Variants in GRAMD1C observed in about 807,000 individuals in gnomAD.
The protein encoded by GRAMD1C is protein Aster-C.
In GRAMD1C, 89 loss-of-function variants were observed where a neutral mutation model predicts 97.8. The observed-to-expected ratio is 0.91, with a 90% CI of 0.77 to 1.09. GRAMD1C has a LOEUF of 1.09. Among genes scored for constraint, GRAMD1C ranks in the 50% least tolerant of loss-of-function variants. The probability of loss-of-function intolerance (pLI) is 0.00; values close to 1 mark genes in which losing one functional copy is unlikely to be tolerated. For synonymous variants in GRAMD1C, 256 were observed against 267.0 expected (o/e 0.96, Z 0.40); for missense variants, 740 against 766.4 (o/e 0.97, Z 0.41).
At chr3:113,894,656 T>C (rs1310807407) in intron 6 of GRAMD1C, among the ~76,000 whole-genome samples, 1 of 152,180 alleles carries the variant, frequency 6.6e-6, no homozygotes, top group East Asian at 1.9e-4. Context: ...CTAGCTCTCC[T>C]TGGAAATTTA....
At chr3:113,883,400 C>T (rs1190319693) in intron 6 of GRAMD1C, among the ~76,000 whole-genome samples, 4 of 151,928 alleles carry the variant, frequency 2.6e-5, no homozygotes, top group Non-Finnish European at 5.9e-5. Context: ...TGACGCTTAC[C>T]TGTAGTCCCA....
chr3:113,869,238 T>G (rs1934699705), intron 2 of GRAMD1C, among the ~76,000 whole-genome samples: 2 of 152,126 alleles, frequency 1.3e-5, no homozygotes, highest in Admixed American at 1.3e-4. Flanking sequence ...TTGTATGCCT[T>G]TGGTCATTTT....
intron 2 of GRAMD1C, among the ~76,000 whole-genome samples, chr3:113,846,358 G>A (rs1481720309): frequency 6.6e-6 from 1 of 151,962 alleles, no homozygotes; most frequent in East Asian, 1.9e-4. Flanking sequence ...CGCCCGCCTC[G>A]GCCTCCCAAA....
At chr3:113,913,422 C>CT (rs1286034535) in intron 9 of GRAMD1C, among the ~76,000 whole-genome samples, 1 of 104,204 alleles carries the variant, frequency 9.6e-6, no homozygotes, top group Non-Finnish European at 1.8e-5. Context: ...GAGTGAGACT[C>CT]TGTCTCCAAA....
rs184475811 is a variant in GRAMD1C, at chr3:113,938,159, G to A, written c.1691+16G>A. The A allele has an allele frequency of 2.1e-4, 266 of 1,282,294 alleles. No homozygotes were observed. In the African/African-American group the frequency reaches 2.8e-3, roughly 14 times the overall value. The allele number at this position is 1,282,294 out of a possible 1,614,324, so 79.4% of individuals were successfully genotyped here. A position where few individuals can be genotyped will look rare whatever the true frequency, so the allele number is the denominator to read the frequency against. On this transcript the variant is annotated intron_variant, in intron 15 of 17. Coordinates refer to ENST00000358160, the MANE Select transcript of GRAMD1C (RefSeq NM_017577.5). Reference sequence around the variant, plus strand: ...TGAGTATTTTGTAAGTATTTGTTGTGAATGCTTATTTTGCTTGTTTCAGCA... The same window carrying A: ...TGAGTATTTTGTAAGTATTTGTTGTAAATGCTTATTTTGCTTGTTTCAGCA...
chr3:113,936,749 C>T (rs1268552899), intron 14 of GRAMD1C: 3 of 179,170 alleles, frequency 1.7e-5, no homozygotes, highest in Non-Finnish European at 3.5e-5. Flanking sequence ...GTTGCCCATG[C>T]TGTAAGTGGC....
At chr3:113,836,985 G>T (rs1709640768), upstream of GRAMD1C, among the ~76,000 whole-genome samples, 1 of 152,046 alleles carries the variant, frequency 6.6e-6, no homozygotes, top group Non-Finnish European at 1.5e-5. Context: ...ATCCATAAAT[G>T]TATACATAAA....
chr3:113,898,567 A>G (rs1936024646), intron 6 of GRAMD1C, among the ~76,000 whole-genome samples: 1 of 152,122 alleles, frequency 6.6e-6, no homozygotes, highest in Non-Finnish European at 1.5e-5. Context: ...TTTCTCTACC[A>G]CTAATGGTCC....
At chr3:113,930,939 G>GAAAA in intron 11 of GRAMD1C, 107 bp downstream of exon 11, 2 of 615,492 alleles carry the variant, frequency 3.2e-6, no homozygotes, top group African/African-American at 1.8e-5. Flanking sequence ...CAAGTGGCAA[G>GAAAA]AAAAAAGGGA....
At position 113,946,969 on chromosome 3, in the gene GRAMD1C, TTC is replaced by T. The variant is rs1938122346; in HGVS notation, c.*1495_*1496del. 6.6e-6 allele frequency: 1 copy of T among 152,204 alleles called. No homozygotes were observed. Among genetic ancestry groups the T allele is most frequent in the Non-Finnish European group, 1.5e-5 (1 of 68,036 alleles). 9.4% of individuals were successfully genotyped at this position (152,204 alleles called of 1,614,324 possible). On this transcript the variant is annotated 3_prime_UTR_variant, in exon 18 of 18. Transcript: ENST00000358160. ...ATGAGTGGATTATAAACTTGAAGAT[TTC>T]TCTGTTAAAGTCACAAAAATGATCG...
At chr3:113,890,481 T>A in intron 6 of GRAMD1C, 1 of 475,702 alleles carries the variant, frequency 2.1e-6, no homozygotes, top group East Asian at 3.3e-5. Flanking sequence ...CCTCCCAGGT[T>A]GCACTTTGGC....
chr3:113,840,904 T>C (rs981331482), intron 1 of GRAMD1C, among the ~76,000 whole-genome samples: 2 of 152,096 alleles, frequency 1.3e-5, no homozygotes, highest in Non-Finnish European at 1.5e-5. Flanking sequence ...CTGGAGAAAA[T>C]TTGATGCAGT....
At chr3:113,843,678 C>T (rs547831268) in intron 1 of GRAMD1C, among the ~76,000 whole-genome samples, 9 of 151,870 alleles carry the variant, frequency 5.9e-5, no homozygotes, top group East Asian at 2.0e-4. Context: ...TTCATTATAT[C>T]GGCCAGGCTG....
intron 8 of GRAMD1C, among the ~76,000 whole-genome samples, chr3:113,908,549 G>C (rs960316307): frequency 6.6e-6 from 1 of 152,054 alleles, no homozygotes; most frequent in South Asian, 2.1e-4. Flanking sequence ...AGATGGGTGA[G>C]TTTTCTTCCT....
chr3:113,845,211 T>A (rs1304509137), intron 2 of GRAMD1C, among the ~76,000 whole-genome samples: 1 of 152,174 alleles, frequency 6.6e-6, no homozygotes, highest in Non-Finnish European at 1.5e-5. Context: ...GATCTTAGAG[T>A]CTTTTTGGAA....
Position 113,857,378 on chromosome 3 carries a change from CTT to C in GRAMD1C, c.175-12115_175-12114del, listed in dbSNP as rs58917498. Among the ~76,000 whole-genome samples, 595 of 128,122 alleles carry C rather than the reference CTT, an allele frequency of 4.6e-3. 1 individual carries two copies. The highest frequency in any genetic ancestry group is 5.9e-3 in the Non-Finnish European group (350 of 59,256). 84.1% of individuals were successfully genotyped at this position (128,122 alleles called of 152,430 possible). A position where few individuals can be genotyped will look rare whatever the true frequency, so the allele number is the denominator to read the frequency against. On this transcript the variant is annotated intron_variant, in intron 2 of 17. Transcript: ENST00000358160. ...AAATTCAGGAAGTTCTCTTGTATTCCTTTTTTTTTTTTTTTGAGACGGAGTCT... is the reference window on the plus strand; with the variant it reads ...AAATTCAGGAAGTTCTCTTGTATTCCTTTTTTTTTTTTTGAGACGGAGTCT...
intron 6 of GRAMD1C, among the ~76,000 whole-genome samples, chr3:113,895,015 G>A (rs1336153548): frequency 2.0e-5 from 3 of 152,098 alleles, no homozygotes; most frequent in South Asian, 2.1e-4. Context: ...AGAATATATC[G>A]GTCTGAAGAG....
chr3:113,873,799 G>A (rs1209593399), intron 3 of GRAMD1C, among the ~76,000 whole-genome samples: 4 of 152,174 alleles, frequency 2.6e-5, no homozygotes, highest in Admixed American at 2.6e-4. Context: ...GATTGCAGGT[G>A]TGAGCCACCA....
chr3:113,886,793 T>A (rs1935503899), intron 6 of GRAMD1C, among the ~76,000 whole-genome samples: 2 of 138,264 alleles, frequency 1.4e-5, no homozygotes, highest in South Asian at 4.7e-4. Context: ...TTTTTTTTTT[T>A]TTTTTTTGAG....
Sources: allele counts gnomAD v4.1 joint callset (sites outside exome capture counted in the v4.1 genomes callset), GRCh38; gene constraint gnomAD v4.1.1; transcripts MANE v1.5; gene names NCBI Gene and HGNC (gene_info 2026-07-23, HGNC 2026-07-21).